ZBTB7C: variants seen among roughly 807,000 people sequenced by gnomAD.
The protein encoded by ZBTB7C is zinc finger and BTB domain-containing protein 7C.
In ZBTB7C, 8 loss-of-function variants were observed where a neutral mutation model predicts 25.7. The observed-to-expected ratio is 0.31, with a 90% confidence interval of 0.18 to 0.56. The LOEUF is 0.56. Among genes scored for constraint, ZBTB7C ranks in the 20% least tolerant of loss-of-function variants. ZBTB7C has a pLI of 0.91. For missense variants in ZBTB7C, 824 were observed against 855.2 expected, an observed-to-expected ratio of 0.96 and a Z score of 0.46; for synonymous variants, 394 against 369.0, an observed-to-expected ratio of 1.07 and a Z score of -0.78.
intron 2 of ZBTB7C, among the ~76,000 whole-genome samples, chr18:48,264,093 G>T (rs1035105689): frequency 6.6e-6 from 1 of 152,184 alleles, no homozygotes; most frequent in Non-Finnish European, 1.5e-5. Context: ...ACAGAAATCT[G>T]CAGTCCCACC....
At chr18:48,256,516 G>C (rs911876075) in intron 2 of ZBTB7C, among the ~76,000 whole-genome samples, 12 of 150,128 alleles carry the variant, frequency 8.0e-5, no homozygotes, top group Admixed American at 4.0e-4. Flanking sequence ...ATTATAAGAA[G>C]TGTTAAAGGA....
chr18:48,228,026 G>A (rs1186437735), intron 2 of ZBTB7C, among the ~76,000 whole-genome samples: 1 of 152,070 alleles, frequency 6.6e-6, no homozygotes, highest in Non-Finnish European at 1.5e-5. Context: ...GAGGTGAGTG[G>A]GGCAAAAAGG....
chr18:48,131,014 C>T (rs1208121905), intron 3 of ZBTB7C, among the ~76,000 whole-genome samples: 1 of 152,218 alleles, frequency 6.6e-6, no homozygotes, highest in Non-Finnish European at 1.5e-5. Context: ...AGCGATTCTC[C>T]TGCCTCCGCC....
chr18:48,333,164 T>C (rs556236569), intron 2 of ZBTB7C, among the ~76,000 whole-genome samples: 29 of 152,280 alleles, frequency 1.9e-4, no homozygotes, highest in Non-Finnish European at 3.7e-4. Context: ...AGAAGAATCA[T>C]GAAAAATTAA....
intron 3 of ZBTB7C, among the ~76,000 whole-genome samples, chr18:48,164,667 A>C (rs185699375): frequency 1.6e-4 from 25 of 152,162 alleles, no homozygotes; most frequent in Admixed American, 1.6e-3. Context: ...AAAGGCTAGT[A>C]AGCCCCTTGA....
At chr18:48,097,316 T>C (rs1598872595) in intron 3 of ZBTB7C, among the ~76,000 whole-genome samples, 2 of 152,138 alleles carry the variant, frequency 1.3e-5, no homozygotes, top group African/African-American at 2.4e-5. Context: ...ATCAGTTGTA[T>C]AGAGAGAAGT....
chr18:48,043,305 G>A (rs78743557), intron 3 of ZBTB7C, among the ~76,000 whole-genome samples: 166 of 152,314 alleles, frequency 1.1e-3, no homozygotes, highest in African/African-American at 3.9e-3. Context: ...TGGTCACTTT[G>A]TGCACGATAG....
chr18:48,112,862 A>T (rs1174488201), intron 3 of ZBTB7C, among the ~76,000 whole-genome samples: 4 of 151,960 alleles, frequency 2.6e-5, no homozygotes, highest in Non-Finnish European at 5.9e-5. Flanking sequence ...TCTTGTTTAA[A>T]TTTTTTTTTA....
intron 2 of ZBTB7C, among the ~76,000 whole-genome samples, chr18:48,293,727 A>C (rs2045303037): frequency 6.6e-6 from 1 of 152,030 alleles, no homozygotes; most frequent in South Asian, 2.1e-4. Context: ...ACAGGCTTAA[A>C]CTCTAGTAGT....
intron 1 of ZBTB7C, among the ~76,000 whole-genome samples, chr18:48,341,844 G>A (rs1024284457): frequency 1.3e-5 from 2 of 152,244 alleles, no homozygotes; most frequent in African/African-American, 4.8e-5. Context: ...CATTTTACAA[G>A]TGTGATCTGG....
chr18:48,342,025 G>GA (rs952192510), intron 1 of ZBTB7C, among the ~76,000 whole-genome samples: 8 of 152,222 alleles, frequency 5.3e-5, no homozygotes, highest in African/African-American at 1.9e-4. Flanking sequence ...ACCCAGGAAA[G>GA]AGGTGCAGAA....
At chr18:48,333,221 C>T (rs2046381196) in intron 2 of ZBTB7C, among the ~76,000 whole-genome samples, 1 of 152,190 alleles carries the variant, frequency 6.6e-6, no homozygotes, top group South Asian at 2.1e-4. Context: ...GGCAATGTAG[C>T]TTTCTTCCTC....
intron 3 of ZBTB7C, chr18:48,088,437 A>G (rs993058251): frequency 6.6e-6 from 1 of 152,212 alleles, no homozygotes; most frequent in Non-Finnish European, 1.5e-5. Context: ...AAAGAAACAA[A>G]AAAACACAAC....
chr18:48,273,424 T>C (rs915653995), intron 2 of ZBTB7C, among the ~76,000 whole-genome samples: 1 of 151,984 alleles, frequency 6.6e-6, no homozygotes, highest in Admixed American at 6.6e-5. Context: ...TATGGAAAAC[T>C]TGGCATTATA....
intron 3 of ZBTB7C, among the ~76,000 whole-genome samples, chr18:48,091,238 A>ATTT (rs35051690): frequency 0.011 from 734 of 64,658 alleles, 26 homozygotes; most frequent in African/African-American, 0.039. Context: ...TGCCCGGATA[A>ATTT]TTTTTTTTTT....
At chr18:48,402,153 C>T (rs73437422) in intron 1 of ZBTB7C, among the ~76,000 whole-genome samples, 5,349 of 152,060 alleles carry the variant, frequency 0.035, 319 homozygotes, top group African/African-American at 0.12. Flanking sequence ...AAACAAAGTC[C>T]TGGGCTCCTG....
At chr18:48,364,828 A>T (rs2047186668) in intron 1 of ZBTB7C, among the ~76,000 whole-genome samples, 1 of 152,218 alleles carries the variant, frequency 6.6e-6, no homozygotes. Flanking sequence ...CATATGTAAT[A>T]CATTGTTCTG....
intron 1 of ZBTB7C, among the ~76,000 whole-genome samples, chr18:48,405,536 A>G (rs2048260821): frequency 6.6e-6 from 1 of 152,224 alleles, no homozygotes; most frequent in African/African-American, 2.4e-5. Flanking sequence ...GTATCTGACA[A>G]AAAGTACACA....
intron 3 of ZBTB7C, among the ~76,000 whole-genome samples, chr18:48,151,212 G>A (rs8088150): frequency 0.02 from 3,112 of 152,234 alleles, 111 homozygotes; most frequent in African/African-American, 0.071. Flanking sequence ...GTTCACCACA[G>A]TGATTCCTTT....
Sources: gnomAD v4.1 joint callset for allele counts (sites outside exome capture counted in the v4.1 genomes callset) on GRCh38, gnomAD v4.1.1 for gene constraint, MANE v1.5 for transcripts, NCBI Gene and HGNC (gene_info 2026-07-23, HGNC 2026-07-21) for gene names.